ADARB2: variants seen among roughly 807,000 people sequenced by gnomAD.
The protein encoded by ADARB2 is adenosine deaminase RNA specific B2 (inactive), also known as inactive double-stranded RNA-specific editase B2.
Under a neutral mutation model 62.2 loss-of-function variants are expected in ADARB2, and 25 were observed. The ratio of observed to expected loss-of-function variants is 0.40; its 90% CI spans 0.29 to 0.56. ADARB2 has a LOEUF of 0.56. Ranked by LOEUF, ADARB2 falls within the 20% of genes least tolerant of loss-of-function variation. The pLI is 0.43. For missense variants in ADARB2, 1,071 were observed against 1,077.4 expected (o/e 0.99, Z 0.08); for synonymous variants, 572 against 500.8 (o/e 1.14, Z -1.90).
intron 3 of ADARB2, among the ~76,000 whole-genome samples, chr10:1,317,674 C>T (rs1156900458): frequency 6.6e-6 from 1 of 150,698 alleles, no homozygotes; most frequent in African/African-American, 2.5e-5. Flanking sequence ...CTCTCTCACT[C>T]CTTGGGCAGT....
intron 8 of ADARB2, among the ~76,000 whole-genome samples, chr10:1,190,953 G>A (rs919948555): frequency 3.9e-5 from 6 of 152,228 alleles, no homozygotes; most frequent in African/African-American, 1.2e-4. Flanking sequence ...GCGCTCTTCC[G>A]GAGGAGGGGC....
chr10:1,317,369 A>C (rs1262842587), intron 3 of ADARB2, among the ~76,000 whole-genome samples: 2 of 152,174 alleles, frequency 1.3e-5, no homozygotes, highest in African/African-American at 4.8e-5. Flanking sequence ...AACATCCCAT[A>C]ATCTCCACGA....
intron 1 of ADARB2, among the ~76,000 whole-genome samples, chr10:1,701,792 AGACCGGGC>A (rs1834824197): frequency 7.1e-6 from 1 of 140,974 alleles, no homozygotes; most frequent in Non-Finnish European, 1.6e-5. Context: ...CTCCACCGGG[AGACCGGGC>A]ACTCGCCAAT....
At chr10:1,233,161 A>G (rs1203752249) in intron 6 of ADARB2, among the ~76,000 whole-genome samples, 1 of 152,108 alleles carries the variant, frequency 6.6e-6, no homozygotes, top group Non-Finnish European at 1.5e-5. Flanking sequence ...TGGAGAGGAC[A>G]GAGGGGCAGG....
chr10:1,666,341 G>T (rs901185422), intron 1 of ADARB2, among the ~76,000 whole-genome samples: 1 of 152,226 alleles, frequency 6.6e-6, no homozygotes, highest in Non-Finnish European at 1.5e-5. Context: ...ATTCTCCTGG[G>T]CCGCAGCTCA....
At chr10:1,297,581 T>C (rs759939744) in intron 3 of ADARB2, among the ~76,000 whole-genome samples, 5 of 152,180 alleles carry the variant, frequency 3.3e-5, no homozygotes, top group African/African-American at 7.2e-5. Context: ...TGGCATCGCC[T>C]GGACAAGGAG....
At chr10:1,405,148 C>T (rs1204049518) in intron 1 of ADARB2, among the ~76,000 whole-genome samples, 1 of 152,196 alleles carries the variant, frequency 6.6e-6, no homozygotes, top group Non-Finnish European at 1.5e-5. Flanking sequence ...GCCCAGGCCC[C>T]ATTATGCATG....
chr10:1,227,183 C>G (rs1215802387), intron 6 of ADARB2, among the ~76,000 whole-genome samples: 3 of 152,204 alleles, frequency 2.0e-5, no homozygotes, highest in Admixed American at 1.3e-4. Flanking sequence ...AGCGAGACTC[C>G]GTGGGTGTAG....
chr10:1,678,135 G>A (rs1211497881), intron 1 of ADARB2: 1 of 984,868 alleles, frequency 1.0e-6, no homozygotes, highest in Non-Finnish European at 1.2e-6. Context: ...GGTGAGTGCA[G>A]ATGGCAGGGG....
chr10:1,511,934 A>G (rs554530790), intron 1 of ADARB2, among the ~76,000 whole-genome samples: 1 of 151,930 alleles, frequency 6.6e-6, no homozygotes, highest in Non-Finnish European at 1.5e-5. Flanking sequence ...CAAGAAGTTT[A>G]TGCTGTCTAT....
At chr10:1,537,538 A>G (rs1030801527) in intron 1 of ADARB2, among the ~76,000 whole-genome samples, 2 of 152,268 alleles carry the variant, frequency 1.3e-5, no homozygotes, top group African/African-American at 2.4e-5. Context: ...CACTGTTCAC[A>G]ATAGCAAAGA....
chr10:1,242,256 C>T lies in ADARB2; in HGVS notation c.1236G>A (p.Gly412=), dbSNP rs1830932616. 1.3e-6 allele frequency: 2 copies of T among 1,585,936 alleles called. No homozygotes were observed. The highest frequency in any genetic ancestry group is 1.3e-5 in the African/African-American group (1 of 74,588). The change falls in exon 5 of 10, where the codon GGG becomes GGA. Residue 412 remains glycine (G), a synonymous_variant. Transcript: ENST00000381312. ...GGTGCTCGCCGCTGATGCACTTGGT[C>T]CCCGAGGACAGGGCCACGACCTGCG... ...RQAQVVALSS[G]TKCISGEHLS...
intron 1 of ADARB2, among the ~76,000 whole-genome samples, chr10:1,441,139 C>T (rs1279995527): frequency 6.6e-6 from 1 of 152,134 alleles, no homozygotes. Flanking sequence ...GTTTCACTTG[C>T]TGTTGGGTAG....
At chr10:1,220,069 GTGA>G (rs1830673379) in intron 6 of ADARB2, among the ~76,000 whole-genome samples, 1 of 146,144 alleles carries the variant, frequency 6.8e-6, no homozygotes, top group African/African-American at 2.6e-5. Flanking sequence ...GGTGATGATG[GTGA>G]TGGTGATGAT....
chr10:1,524,328 A>G (rs1306573078), intron 1 of ADARB2, among the ~76,000 whole-genome samples: 2 of 152,238 alleles, frequency 1.3e-5, no homozygotes, highest in African/African-American at 2.4e-5. Flanking sequence ...TTCAGTCGCC[A>G]TTTGTGACTA....
chr10:1,673,314 A>ATGTGTGTGTGTGTGTG (rs66687699), intron 1 of ADARB2, among the ~76,000 whole-genome samples: 1,976 of 149,664 alleles, frequency 0.013, 40 homozygotes, highest in Admixed American at 0.06. Flanking sequence ...ATTTCATTTT[A>ATGTGTGTGTGTGTGTG]TGTGTGTGTG....
At chr10:1,468,809 G>A (rs1831287873) in intron 1 of ADARB2, among the ~76,000 whole-genome samples, 1 of 152,234 alleles carries the variant, frequency 6.6e-6, no homozygotes, top group Non-Finnish European at 1.5e-5. Context: ...GTGTGGAGGT[G>A]ATGGTGAGTG....
chr10:1,418,964 G>A (rs1291651743), intron 1 of ADARB2, among the ~76,000 whole-genome samples: 1 of 152,186 alleles, frequency 6.6e-6, no homozygotes, highest in Non-Finnish European at 1.5e-5. Context: ...GGAAAGAAAA[G>A]GGTTCACTTG....
rs375149852 is a variant in ADARB2, at chr10:1,485,209, G to T, written c.101-106049C>A. On this transcript the variant is annotated intron_variant, in intron 1 of 9. Transcript: ENST00000381312. ...ATGTAGGTATGTAGGTGGATCTGTA[G>T]GTGTACTTGGAGGTAAGTGTGCAGG... 4.6e-5 allele frequency among the ~76,000 whole-genome samples: 7 copies of T among 151,910 alleles called. No homozygotes were observed. In the South Asian group the frequency reaches 6.2e-4, roughly 14 times the overall value.
Sources: allele counts gnomAD v4.1 joint callset (sites outside exome capture counted in the v4.1 genomes callset), GRCh38; gene constraint gnomAD v4.1.1; transcripts MANE v1.5; gene names NCBI Gene and HGNC (gene_info 2026-07-23, HGNC 2026-07-21).